The following WIPI1 variants were observed in gnomAD, a reference collection of about 807,000 sequenced individuals.
The protein encoded by WIPI1 is WD repeat domain, phosphoinositide interacting 1.
In WIPI1, 45 loss-of-function variants were observed where a neutral mutation model predicts 55.3. The ratio of observed to expected loss-of-function variants is 0.81; its 90% confidence interval spans 0.64 to 1.04. The LOEUF is 1.04. Ranked by LOEUF, WIPI1 falls within the 50% of genes least tolerant of loss-of-function variation. WIPI1 has a pLI of 0.00. For missense variants in WIPI1, 445 were observed against 559.0 expected (o/e 0.80, Z 2.06); for synonymous variants, 195 against 217.6 (o/e 0.90, Z 0.92).
intron 9 of WIPI1, 25 bp from the exon 10 acceptor site, chr17:68,428,961 C>A: frequency 6.3e-7 from 1 of 1,578,680 alleles, no homozygotes. Context: ...AAACATAAAC[C>A]GTGATGACAA....
In WIPI1 at chr17:68,457,490, G is replaced by T; in HGVS notation, c.-69C>A. The T allele has an allele frequency of 7.7e-7, 1 of 1,302,166 alleles. No individual in the cohort carries two copies. The highest frequency in any genetic ancestry group is 3.3e-5 in the East Asian group (1 of 30,232). The allele number at this position is 1,302,166 out of a possible 1,614,324, so 80.7% of individuals were successfully genotyped here. A position where few individuals can be genotyped will look rare whatever the true frequency, so the allele number is the denominator to read the frequency against. ...CCACCTCAGCAGCCCGCCCGCGCCG[G>T]CTCCACGGGCCGGGTCGCCGGTCCT... On this transcript the variant is annotated 5_prime_UTR_variant, in exon 1 of 13. Transcript: ENST00000262139.
At chr17:68,432,968 T>TTTTC (rs1320150274) in intron 8 of WIPI1, among the ~76,000 whole-genome samples, 1 of 152,250 alleles carries the variant, frequency 6.6e-6, no homozygotes, top group East Asian at 1.9e-4. Context: ...TTTTTTAGGC[T>TTTTC]TTTCTTTCAC....
intron 11 of WIPI1, 27 bp from the exon 12 acceptor site, chr17:68,426,202 C>T (rs374646054): frequency 6.6e-7 from 1 of 1,524,844 alleles, no homozygotes; most frequent in African/African-American, 1.4e-5. Flanking sequence ...AGACATGAAA[C>T]AAGCACTGGG....
chr17:68,444,521 G>T lies in WIPI1; in HGVS notation c.402C>A (p.Thr134=). The T allele has an allele frequency of 6.2e-7, 1 of 1,613,744 alleles. No individual in the cohort carries two copies. Among genetic ancestry groups the T allele is most frequent in the Non-Finnish European group, 8.5e-7 (1 of 1,179,890 alleles). Residue 134 remains threonine (T), a synonymous_variant, in exon 4 of 13, where the codon ACC becomes ACA. Coordinates refer to ENST00000262139, the MANE Select transcript of WIPI1 (RefSeq NM_017983.7). ...TTGGGTTTGCAGGAATATCCAGGAG[G>T]GTCTTCAACAGCTTCATGTCTTTAA... The part of the protein sequence containing the change: ...HNIKDMKLLK[T]LLDIPANPTG...
chr17:68,450,685 C>G (rs918661480), intron 3 of WIPI1, 43 bp downstream of exon 3: 3 of 1,563,018 alleles, frequency 1.9e-6, no homozygotes, highest in Admixed American at 2.0e-5. Flanking sequence ...GTTTGGCTCC[C>G]GTTAGCAGAA....
intron 12 of WIPI1, chr17:68,424,520 T>G (rs761495041): frequency 1.9e-6 from 1 of 534,186 alleles, no homozygotes. Flanking sequence ...TGGACATTGT[T>G]TCAGTGCCCA....
chr17:68,429,054 T>C, intron 9 of WIPI1, 118 bp from the exon 10 acceptor site: 2 of 726,292 alleles, frequency 2.8e-6, no homozygotes, highest in East Asian at 5.5e-5. Flanking sequence ...GACAAACCCT[T>C]AGCCCACTGA....
chr17:68,432,016 A>AT (rs959628716), intron 8 of WIPI1, among the ~76,000 whole-genome samples: 2 of 152,174 alleles, frequency 1.3e-5, no homozygotes, highest in African/African-American at 4.8e-5. Context: ...GCTCCAAAAA[A>AT]GATCAGGGCT....
At chr17:68,431,838 C>T (rs905061464) in intron 8 of WIPI1, among the ~76,000 whole-genome samples, 25 of 23,274 alleles carry the variant, frequency 1.1e-3, no homozygotes, top group African/African-American at 4.8e-3. Context: ...CAGACAGAAA[C>T]GGGAGAGCCT....
intron 4 of WIPI1, chr17:68,440,687 T>C (rs956850990): frequency 1.3e-5 from 2 of 152,230 alleles, no homozygotes; most frequent in African/African-American, 4.8e-5. Context: ...TGTTTGGCTG[T>C]AATTCTTCTA....
At chr17:68,425,789 A>G (rs1405058826) in intron 12 of WIPI1, 1 of 345,990 alleles carries the variant, frequency 2.9e-6, no homozygotes, top group African/African-American at 2.1e-5. Context: ...ACAGAAGCAA[A>G]GTAAGGGATC....
intron 3 of WIPI1, among the ~76,000 whole-genome samples, chr17:68,445,969 C>A (rs2084267652): frequency 1.3e-5 from 2 of 152,176 alleles, no homozygotes; most frequent in African/African-American, 4.8e-5. Flanking sequence ...GCGATGCACA[C>A]TGAGGCTCAA....
rs914733695 is a variant in WIPI1 at position 68,450,982 on chromosome 17, G to C, written c.164-85C>G. 11 of 1,506,048 alleles carry C rather than the reference G, an allele frequency of 7.3e-6. No homozygotes were observed. In the East Asian group the frequency reaches 1.9e-4, roughly 26 times the overall value. The allele number at this position is 1,506,048 out of a possible 1,614,324, so 93.3% of individuals were successfully genotyped here. The stretch of plus-strand genomic sequence containing the variant: ...CCTCCATGACACTGGGCCCGGCGCA[G>C]GCCAGGTTCCAAAGGTTCTCCGGGT... On this transcript the variant is annotated intron_variant, in intron 2 of 12. Coordinates refer to ENST00000262139, the MANE Select transcript of WIPI1 (RefSeq NM_017983.7).
At chr17:68,432,202 T>C (rs1009462272) in intron 8 of WIPI1, among the ~76,000 whole-genome samples, 201 of 152,274 alleles carry the variant, frequency 1.3e-3, no homozygotes, top group Non-Finnish European at 1.8e-3. Flanking sequence ...CAGTGTTTCA[T>C]ACACCACTGG....
At chr17:68,424,109 T>C (rs2082987629) in intron 12 of WIPI1, among the ~76,000 whole-genome samples, 1 of 152,132 alleles carries the variant, frequency 6.6e-6, no homozygotes, top group Non-Finnish European at 1.5e-5. Context: ...GTTGGGGCCA[T>C]GAGAACCCAA....
intron 1 of WIPI1, among the ~76,000 whole-genome samples, chr17:68,455,513 A>G (rs2084626268): frequency 6.6e-6 from 1 of 152,222 alleles, no homozygotes. Context: ...AGAAAAAGAC[A>G]TGGCAATACA....
At chr17:68,438,001 T>C (rs1316514930) in intron 4 of WIPI1, among the ~76,000 whole-genome samples, 1 of 137,644 alleles carries the variant, frequency 7.3e-6, no homozygotes, top group Non-Finnish European at 1.6e-5. Flanking sequence ...CAAGTTAGTA[T>C]ATTAAGTGGG....
chr17:68,440,285 C>T (rs573904869), intron 4 of WIPI1, among the ~76,000 whole-genome samples: 8 of 152,326 alleles, frequency 5.3e-5, no homozygotes, highest in South Asian at 2.1e-4. Flanking sequence ...AAAAATCCAA[C>T]GAGCCACACG....
intron 8 of WIPI1, 54 bp from the exon 9 acceptor site, chr17:68,430,214 C>A (rs2083449173): frequency 6.5e-6 from 10 of 1,545,286 alleles, no homozygotes; most frequent in Non-Finnish European, 8.7e-6. Flanking sequence ...CCCACACGCA[C>A]CCAGGAATCT....
Sources: gnomAD v4.1 joint callset for allele counts (sites outside exome capture counted in the v4.1 genomes callset) on GRCh38, gnomAD v4.1.1 for gene constraint, MANE v1.5 for transcripts, NCBI Gene and HGNC (gene_info 2026-07-23, HGNC 2026-07-21) for gene names.